The following STARD13 variants were observed in gnomAD, a reference collection of about 807,000 sequenced individuals.
STARD13 encodes the protein stAR-related lipid transfer protein 13.
STARD13 carries 62 observed loss-of-function variants against 106.4 expected under a neutral mutation model. The ratio of observed to expected loss-of-function variants is 0.58; its 90% CI spans 0.48 to 0.72. The LOEUF (loss-of-function observed/expected upper bound fraction) is 0.72. Among genes scored for constraint, STARD13 ranks in the 30% least tolerant of loss-of-function variants. STARD13 has a pLI of 0.00. For missense variants in STARD13, 1,387 were observed against 1,424.0 expected (o/e 0.97, Z 0.42); for synonymous variants, 565 against 553.0 (o/e 1.02, Z -0.31).
chr13:33,213,187 T>G (rs1169206292), intron 1 of STARD13, among the ~76,000 whole-genome samples: 1 of 152,208 alleles, frequency 6.6e-6, no homozygotes, highest in African/African-American at 2.4e-5. Flanking sequence ...CAGGTACAGT[T>G]TGAAAATGTC....
At chr13:33,194,138 C>T (rs1886447378) in intron 1 of STARD13, among the ~76,000 whole-genome samples, 1 of 152,158 alleles carries the variant, frequency 6.6e-6, no homozygotes, top group African/African-American at 2.4e-5. Flanking sequence ...TCTAGCTCTT[C>T]TTGCCTCAAT....
At chr13:33,306,724 C>T (rs1285567983) in intron 1 of STARD13, among the ~76,000 whole-genome samples, 2 of 152,086 alleles carry the variant, frequency 1.3e-5, no homozygotes, top group African/African-American at 4.8e-5. Context: ...CCAAGGTGGG[C>T]GGATCTCTTG....
At chr13:33,664,750 C>T in the STARD13 span, among the ~76,000 whole-genome samples, 3 of 152,226 alleles carry the variant, frequency 2.0e-5, no homozygotes, top group African/African-American at 7.2e-5. Flanking sequence ...CCTCAGCCTC[C>T]GGAGTAGCGG....
intron 1 of STARD13, among the ~76,000 whole-genome samples, chr13:33,335,473 G>T (rs970849801): frequency 2.6e-5 from 4 of 152,188 alleles, no homozygotes; most frequent in Non-Finnish European, 4.4e-5. Flanking sequence ...TTAGGGTGGA[G>T]GTCCTGCAGT....
chr13:33,538,932 A>G, the STARD13 span, among the ~76,000 whole-genome samples: 15 of 151,924 alleles, frequency 9.9e-5, no homozygotes, highest in Non-Finnish European at 1.3e-4. Flanking sequence ...ACCATGCCGG[A>G]CTAATTTTTT....
At chr13:33,532,673 C>T in the STARD13 span, among the ~76,000 whole-genome samples, 3 of 152,050 alleles carry the variant, frequency 2.0e-5, no homozygotes, top group Admixed American at 6.6e-5. Flanking sequence ...ACTGTGTGTA[C>T]AAAATTCCTT....
intron 1 of STARD13, among the ~76,000 whole-genome samples, chr13:33,284,981 G>T (rs769031367): frequency 6.6e-6 from 1 of 152,190 alleles, no homozygotes; most frequent in Non-Finnish European, 1.5e-5. Context: ...AACAGGAAGA[G>T]AATGCGATTC....
At position 33,129,592 on chromosome 13, in the gene STARD13, A is replaced by C; in HGVS notation, c.1085T>G (p.Met362Arg). Residue 362 changes from methionine (M) to arginine (R), a missense_variant, in exon 5 of 14, where the codon ATG (methionine) becomes AGG (arginine). Transcript: ENST00000336934. ...CAGCACATCTAGGTCCTCCAAGTAC[A>C]TGCCCCCGCGCTTGTTGGCCTCGTG... ...KCHEANKRGG[M>R]YLEDLDVLAG... 1 of 1,614,068 alleles carries C rather than the reference A, an allele frequency of 6.2e-7. No individual in the cohort carries two copies. Among genetic ancestry groups the C allele is most frequent in the South Asian group, 1.1e-5 (1 of 91,082 alleles).
intron 3 of STARD13, among the ~76,000 whole-genome samples, chr13:33,158,262 G>A (rs927955778): frequency 6.6e-6 from 1 of 152,106 alleles, no homozygotes; most frequent in African/African-American, 2.4e-5. Context: ...CCAGGCCTTG[G>A]TCCTCCCTGC....
chr13:33,113,571 G>T (rs755224907), intron 8 of STARD13: 7 of 516,390 alleles, frequency 1.4e-5, no homozygotes, highest in Admixed American at 7.8e-5. Flanking sequence ...CCCAGGACTT[G>T]CTTTGCAGGA....
chr13:33,594,697 G>A, the STARD13 span, among the ~76,000 whole-genome samples: 1 of 151,954 alleles, frequency 6.6e-6, no homozygotes, highest in Admixed American at 6.6e-5. Flanking sequence ...CCCAGCCCTG[G>A]CAACCAGCAA....
At chr13:33,462,725 C>T in the STARD13 span, among the ~76,000 whole-genome samples, 1 of 151,808 alleles carries the variant, frequency 6.6e-6, no homozygotes. Flanking sequence ...CGGGAAGACT[C>T]AGGAAGTCAG....
the STARD13 span, among the ~76,000 whole-genome samples, chr13:33,418,134 C>T: frequency 6.6e-6 from 1 of 152,194 alleles, no homozygotes; most frequent in Non-Finnish European, 1.5e-5. Flanking sequence ...CAGGGCAGGG[C>T]ATCACCTCAC....
the STARD13 span, among the ~76,000 whole-genome samples, chr13:33,652,456 T>A: frequency 6.6e-6 from 1 of 152,196 alleles, no homozygotes; most frequent in African/African-American, 2.4e-5. Flanking sequence ...ACAATAAACA[T>A]CATTGAAAGT....
In STARD13 at chr13:33,104,847, G is replaced by A. The variant is rs1271799720; in HGVS notation, c.*746C>T. 1 of 153,526 alleles carries A rather than the reference G, an allele frequency of 6.5e-6. No individual in the cohort carries two copies. Among genetic ancestry groups the A allele is most frequent in the African/African-American group, 2.4e-5 (1 of 41,402 alleles). The allele number at this position is 153,526 out of a possible 1,614,324, so 9.5% of individuals were successfully genotyped here. A position where few individuals can be genotyped will look rare whatever the true frequency, so the allele number is the denominator to read the frequency against. ...GAAATTCCATCTTACTGGGCCCAGT[G>A]GCAACTCCTCATCTAGCTTTAAATT... On this transcript the variant is annotated 3_prime_UTR_variant, in exon 14 of 14. Transcript: ENST00000336934.
chr13:33,164,792 A>G (rs1883131554), intron 3 of STARD13, among the ~76,000 whole-genome samples: 4 of 152,192 alleles, frequency 2.6e-5, no homozygotes, highest in Non-Finnish European at 5.9e-5. Context: ...ACTATCTATC[A>G]CAAACTAATA....
At chr13:33,213,384 A>C (rs1048769340) in intron 1 of STARD13, among the ~76,000 whole-genome samples, 6 of 152,228 alleles carry the variant, frequency 3.9e-5, no homozygotes, top group Admixed American at 2.0e-4. Context: ...TGAAAACAGA[A>C]GACAAAATCA....
the STARD13 span, among the ~76,000 whole-genome samples, chr13:33,422,689 G>A: frequency 2.6e-4 from 40 of 152,130 alleles, no homozygotes; most frequent in Admixed American, 9.8e-4. Flanking sequence ...ACCTGACTTC[G>A]AACTTTACTA....
At chr13:33,135,127 T>C (rs1262550169) in intron 4 of STARD13, among the ~76,000 whole-genome samples, 2 of 152,216 alleles carry the variant, frequency 1.3e-5, no homozygotes, top group Non-Finnish European at 2.9e-5. Context: ...GCCAAGGATC[T>C]AAGAACCACA....
Sources: gnomAD v4.1 joint callset for allele counts (sites outside exome capture counted in the v4.1 genomes callset) on GRCh38, gnomAD v4.1.1 for gene constraint, MANE v1.5 for transcripts, NCBI Gene and HGNC (gene_info 2026-07-23, HGNC 2026-07-21) for gene names.